Variants in SMYD3 observed in about 807,000 individuals in gnomAD.
SMYD3 encodes histone-lysine N-methyltransferase SMYD3.
SMYD3 carries 36 observed loss-of-function variants against 57.7 expected under a neutral mutation model. The ratio of observed to expected loss-of-function variants is 0.62; its 90% CI spans 0.48 to 0.82. The LOEUF is 0.82. Ranked by LOEUF, SMYD3 falls within the 40% of genes least tolerant of loss-of-function variation. The pLI, the probability that SMYD3 is intolerant of heterozygous loss-of-function variation, is 0.00. For synonymous variants in SMYD3, 211 were observed against 195.0 expected (o/e 1.08, Z -0.68); for missense variants, 515 against 538.8 (o/e 0.96, Z 0.44).
At chr1:246,237,082 T>C (rs933328379) in intron 5 of SMYD3, among the ~76,000 whole-genome samples, 1 of 152,114 alleles carries the variant, frequency 6.6e-6, no homozygotes. Context: ...ATTAACTCAA[T>C]AGCATCCCCC....
chr1:245,867,034 AAT>A (rs934319233), intron 8 of SMYD3, among the ~76,000 whole-genome samples: 1 of 152,246 alleles, frequency 6.6e-6, no homozygotes, highest in African/African-American at 2.4e-5. Context: ...CAAACCTGTG[AAT>A]ATGTTAGGCC....
intron 5 of SMYD3, among the ~76,000 whole-genome samples, chr1:246,190,364 A>ATCACAAGG (rs2148322984): frequency 6.6e-6 from 1 of 152,288 alleles, no homozygotes; most frequent in South Asian, 2.1e-4. Context: ...AGGAGGGTGG[A>ATCACAAGG]TCACAAGGTC....
At chr1:245,787,380 C>G (rs920407689) in intron 10 of SMYD3, among the ~76,000 whole-genome samples, 1 of 152,184 alleles carries the variant, frequency 6.6e-6, no homozygotes, top group African/African-American at 2.4e-5. Context: ...AACCAATCAT[C>G]AGACCTAGCG....
At position 246,083,896 on chromosome 1, in the gene SMYD3, CGAAAT is replaced by C. The variant is rs997534075; in HGVS notation, c.532-153964_532-153960del. On this transcript the variant is annotated intron_variant, in intron 5 of 11. Coordinates refer to ENST00000490107, the MANE Select transcript of SMYD3 (RefSeq NM_001167740.2). ...TAACTCATTATAAACCGAAACCAAA[CGAAAT>C]GAAAGACTTTATTAGTAAAAATTAT... Among the ~76,000 whole-genome samples the C allele has an allele frequency of 8.9e-4, 135 of 152,038 alleles. 2 individuals carry two copies. The highest frequency in any genetic ancestry group is 2.9e-3 in the African/African-American group (121 of 41,460).
At chr1:246,490,726 G>A (rs1010441904) in intron 1 of SMYD3, among the ~76,000 whole-genome samples, 1 of 152,052 alleles carries the variant, frequency 6.6e-6, no homozygotes. Flanking sequence ...AATTAGCCAG[G>A]TATAGTGGCA....
At chr1:246,434,123 A>T (rs1411863858) in intron 1 of SMYD3, among the ~76,000 whole-genome samples, 1 of 152,212 alleles carries the variant, frequency 6.6e-6, no homozygotes, top group East Asian at 1.9e-4. Context: ...TTAAGTCAAG[A>T]TGGATAAGAT....
intron 10 of SMYD3, among the ~76,000 whole-genome samples, chr1:245,822,473 A>G (rs1388412363): frequency 6.6e-6 from 1 of 150,842 alleles, no homozygotes; most frequent in African/African-American, 2.4e-5. Flanking sequence ...GGTGCAGCAC[A>G]CCAGCATGGC....
At chr1:246,468,809 C>T (rs2103046416) in intron 1 of SMYD3, among the ~76,000 whole-genome samples, 1 of 152,170 alleles carries the variant, frequency 6.6e-6, no homozygotes, top group East Asian at 1.9e-4. Flanking sequence ...GACATTACCA[C>T]TGGAAAAACT....
rs529335748 is a variant in SMYD3 at position 246,423,475 on chromosome 1, G to C, written c.165-68381C>G. ...CACCTCCTAGAGGGGATGAGATGGT[G>C]GGATCACTTGAGTCCAGGAGTTCAA... On this transcript the variant is annotated intron_variant, in intron 1 of 11. Coordinates refer to ENST00000490107, the MANE Select transcript of SMYD3 (RefSeq NM_001167740.2). Among the ~76,000 whole-genome samples, 143 of 151,958 alleles carry C rather than the reference G, an allele frequency of 9.4e-4. 1 individual carries two copies. Among genetic ancestry groups the C allele is most frequent in the South Asian group, 4.8e-3 (23 of 4,802 alleles).
chr1:245,978,634 G>A (rs1400225809), intron 5 of SMYD3, among the ~76,000 whole-genome samples: 1 of 152,162 alleles, frequency 6.6e-6, no homozygotes, highest in East Asian at 1.9e-4. Flanking sequence ...TCCAGAGCAG[G>A]CAGTTAAACG....
chr1:246,447,204 T>C (rs2067561580), intron 1 of SMYD3, among the ~76,000 whole-genome samples: 2 of 152,220 alleles, frequency 1.3e-5, no homozygotes, highest in Non-Finnish European at 2.9e-5. Context: ...CCAGATTTAA[T>C]TATAGGATCA....
chr1:246,139,605 TA>T (rs1259108771), intron 5 of SMYD3, among the ~76,000 whole-genome samples: 1 of 152,350 alleles, frequency 6.6e-6, no homozygotes, highest in African/African-American at 2.4e-5. Context: ...CACATTTCTT[TA>T]ACAAAAATGA....
At chr1:246,080,671 G>A (rs1235731960) in intron 5 of SMYD3, among the ~76,000 whole-genome samples, 1 of 152,158 alleles carries the variant, frequency 6.6e-6, no homozygotes, top group East Asian at 1.9e-4. Context: ...CCATACAAAG[G>A]AGGAAATCCT....
chr1:246,092,967 T>G (rs901254036), intron 5 of SMYD3, among the ~76,000 whole-genome samples: 1 of 150,848 alleles, frequency 6.6e-6, no homozygotes, highest in Non-Finnish European at 1.5e-5. Context: ...ATAAACTGAA[T>G]AGACATTTTT....
intron 5 of SMYD3, among the ~76,000 whole-genome samples, chr1:246,177,391 A>G (rs755400894): frequency 6.6e-6 from 1 of 152,226 alleles, no homozygotes; most frequent in Non-Finnish European, 1.5e-5. Context: ...GCACCAAGTT[A>G]CCCCTTCAAT....
At chr1:246,086,795 C>T (rs1050041966) in intron 5 of SMYD3, among the ~76,000 whole-genome samples, 11 of 151,734 alleles carry the variant, frequency 7.2e-5, no homozygotes, top group Middle Eastern at 3.4e-3. Context: ...TAAATGTGTG[C>T]CATGGTGGTT....
At chr1:245,992,428 A>G (rs919538326) in intron 5 of SMYD3, among the ~76,000 whole-genome samples, 1 of 152,286 alleles carries the variant, frequency 6.6e-6, no homozygotes, top group Non-Finnish European at 1.5e-5. Flanking sequence ...TGACTACCAC[A>G]CCATGTTCTT....
At chr1:245,889,723 A>G (rs56274715) in intron 8 of SMYD3, among the ~76,000 whole-genome samples, 3,374 of 152,314 alleles carry the variant, frequency 0.022, 73 homozygotes, top group South Asian at 0.091. Flanking sequence ...TTCTTCACAG[A>G]AACAGAAAAA....
intron 5 of SMYD3, among the ~76,000 whole-genome samples, chr1:246,222,073 A>G (rs1198107484): frequency 6.6e-6 from 1 of 152,194 alleles, no homozygotes; most frequent in African/African-American, 2.4e-5. Flanking sequence ...CTATTTGCCA[A>G]CAATTGGAAG....
Sources: gnomAD v4.1 joint callset for allele counts (sites outside exome capture counted in the v4.1 genomes callset) on GRCh38, gnomAD v4.1.1 for gene constraint, MANE v1.5 for transcripts, NCBI Gene and HGNC (gene_info 2026-07-23, HGNC 2026-07-21) for gene names.